LHFPL3: variants seen among roughly 807,000 people sequenced by gnomAD.
LHFPL3 encodes LHFPL tetraspan subfamily member 3 protein.
In LHFPL3, 5 loss-of-function variants were observed where a neutral mutation model predicts 19.3. That is an observed-to-expected ratio of 0.26 (90% CI 0.14 to 0.54). The LOEUF (loss-of-function observed/expected upper bound fraction) is 0.54, where lower values mean the gene tolerates loss of function less well. Ranked by LOEUF, LHFPL3 falls within the 20% of genes least tolerant of loss-of-function variation. The probability of loss-of-function intolerance (pLI) is 0.94; values close to 1 mark genes in which losing one functional copy is unlikely to be tolerated. For synonymous variants in LHFPL3, 133 were observed against 126.2 expected (o/e 1.05, Z -0.36); for missense variants, 249 against 307.4 (o/e 0.81, Z 1.42).
intron 1 of LHFPL3, among the ~76,000 whole-genome samples, chr7:104,557,882 T>G (rs1176995426): frequency 6.8e-6 from 1 of 147,528 alleles, no homozygotes; most frequent in Non-Finnish European, 1.5e-5. Flanking sequence ...CCTGTGTCCA[T>G]GTGATCTCAT....
Position 104,360,694 on chromosome 7 carries a change from C to CGTGTGTGT in LHFPL3, c.445+31511_445+31518dup, listed in dbSNP as rs61216282. ...TTGGGTTTTTTTAAAAAAGTGCTTCCGTGTGTGTGTGTGTGTGTGTGTGTG... is the reference window on the plus strand; with the variant it reads ...TTGGGTTTTTTTAAAAAAGTGCTTCCGTGTGTGTGTGTGTGTGTGTGTGTGTGTGTGTG... On this transcript the variant is annotated intron_variant, in intron 1 of 2. Transcript: ENST00000424859. Among the ~76,000 whole-genome samples the CGTGTGTGT allele has an allele frequency of 9.4e-4, 136 of 144,460 alleles. 1 individual carries two copies. Among genetic ancestry groups the CGTGTGTGT allele is most frequent in the South Asian group, 1.8e-3 (8 of 4,362 alleles). The allele number at this position is 144,460 out of a possible 152,430, so 94.8% of individuals were successfully genotyped here.
chr7:104,541,529 GT>G (rs370038809), intron 1 of LHFPL3, among the ~76,000 whole-genome samples: 4 of 152,116 alleles, frequency 2.6e-5, no homozygotes, highest in African/African-American at 9.7e-5. Context: ...CTCAAGTAAG[GT>G]TTTGACCATG....
intron 2 of LHFPL3, among the ~76,000 whole-genome samples, chr7:104,821,447 G>A (rs1355981358): frequency 6.6e-6 from 1 of 152,224 alleles, no homozygotes; most frequent in Non-Finnish European, 1.5e-5. Context: ...TGAAGGCTGA[G>A]GTAGGAAGTA....
At chr7:104,403,988 A>G (rs1435609960) in intron 1 of LHFPL3, among the ~76,000 whole-genome samples, 3 of 152,284 alleles carry the variant, frequency 2.0e-5, no homozygotes, top group South Asian at 4.1e-4. Flanking sequence ...TTTTATTGGA[A>G]CACAGCCATG....
At chr7:104,555,016 T>C (rs1459572944) in intron 1 of LHFPL3, among the ~76,000 whole-genome samples, 5 of 152,200 alleles carry the variant, frequency 3.3e-5, no homozygotes, top group Non-Finnish European at 7.3e-5. Context: ...CTTTTGGTTT[T>C]ATCCAGGCTC....
intron 1 of LHFPL3, among the ~76,000 whole-genome samples, chr7:104,658,357 T>C (rs1295092172): frequency 2.0e-5 from 3 of 152,226 alleles, no homozygotes; most frequent in Admixed American, 2.0e-4. Flanking sequence ...CTCTCTCTTT[T>C]TTTTCTCCAG....
At chr7:104,447,260 G>C (rs924601358) in intron 1 of LHFPL3, among the ~76,000 whole-genome samples, 15 of 152,088 alleles carry the variant, frequency 9.9e-5, no homozygotes, top group African/African-American at 3.4e-4. Context: ...GAAGAAACTA[G>C]GCTTTTTCTC....
intron 1 of LHFPL3, among the ~76,000 whole-genome samples, chr7:104,353,239 T>C (rs1236554684): frequency 3.3e-5 from 5 of 152,190 alleles, no homozygotes; most frequent in Non-Finnish European, 7.3e-5. Flanking sequence ...GTTTTTAATG[T>C]TGGGAAAATT....
chr7:104,748,934 G>A (rs191432830), intron 2 of LHFPL3, among the ~76,000 whole-genome samples: 1,728 of 152,188 alleles, frequency 0.011, 31 homozygotes, highest in African/African-American at 0.039. Flanking sequence ...ATTTATTTGC[G>A]CTGACTGAAT....
chr7:104,855,749 G>A (rs1054160515), intron 2 of LHFPL3, among the ~76,000 whole-genome samples: 9 of 151,886 alleles, frequency 5.9e-5, no homozygotes, highest in East Asian at 5.8e-4. Flanking sequence ...TCAGCTTCAC[G>A]AGTAGCTGGG....
intron 1 of LHFPL3, among the ~76,000 whole-genome samples, chr7:104,639,321 G>A (rs1026281042): frequency 3.9e-5 from 6 of 152,076 alleles, no homozygotes; most frequent in Non-Finnish European, 8.8e-5. Flanking sequence ...TATGTGTCCA[G>A]GGATTTATCC....
At chr7:104,394,171 A>G (rs1791136815) in intron 1 of LHFPL3, among the ~76,000 whole-genome samples, 1 of 152,218 alleles carries the variant, frequency 6.6e-6, no homozygotes, top group Non-Finnish European at 1.5e-5. Flanking sequence ...AAGACTACCT[A>G]GCGTAGTGGT....
chr7:104,566,365 T>G (rs575305447), intron 1 of LHFPL3, among the ~76,000 whole-genome samples: 2 of 151,810 alleles, frequency 1.3e-5, no homozygotes, highest in African/African-American at 2.4e-5. Flanking sequence ...AAACAAAAAC[T>G]CACCTTCTTC....
chr7:104,622,134 C>G (rs937487101), intron 1 of LHFPL3, among the ~76,000 whole-genome samples: 1 of 152,192 alleles, frequency 6.6e-6, no homozygotes, highest in African/African-American at 2.4e-5. Context: ...AGACATCTCT[C>G]TTTGTCACCC....
At chr7:104,591,389 G>A (rs988476776) in intron 1 of LHFPL3, among the ~76,000 whole-genome samples, 1 of 152,196 alleles carries the variant, frequency 6.6e-6, no homozygotes, top group Admixed American at 6.5e-5. Context: ...AGTTTGGCTG[G>A]ATATGAAATT....
At chr7:104,680,539 G>A (rs979031984) in intron 1 of LHFPL3, among the ~76,000 whole-genome samples, 5 of 151,914 alleles carry the variant, frequency 3.3e-5, no homozygotes, top group Admixed American at 6.6e-5. Context: ...CCATTTCCTC[G>A]TTCTCATCAT....
intron 2 of LHFPL3, among the ~76,000 whole-genome samples, chr7:104,850,821 C>T (rs1385897938): frequency 6.6e-6 from 1 of 151,960 alleles, no homozygotes; most frequent in Non-Finnish European, 1.5e-5. Flanking sequence ...GCCACTGCTC[C>T]AAACACTGAT....
chr7:104,528,778 C>A (rs906288992), intron 1 of LHFPL3, among the ~76,000 whole-genome samples: 8 of 152,084 alleles, frequency 5.3e-5, no homozygotes, highest in African/African-American at 1.9e-4. Context: ...TCTATGCCTC[C>A]AAACCACACC....
chr7:104,899,713 C>T (rs1187832396), intron 2 of LHFPL3, among the ~76,000 whole-genome samples: 1 of 152,102 alleles, frequency 6.6e-6, no homozygotes, highest in Non-Finnish European at 1.5e-5. Flanking sequence ...AGGGACAGAA[C>T]ATTAAGATCA....
Sources: gnomAD v4.1 joint callset for allele counts (sites outside exome capture counted in the v4.1 genomes callset) on GRCh38, gnomAD v4.1.1 for gene constraint, MANE v1.5 for transcripts, NCBI Gene and HGNC (gene_info 2026-07-23, HGNC 2026-07-21) for gene names.